SAMD13: variants seen among roughly 807,000 people sequenced by gnomAD.
The protein encoded by SAMD13 is sterile alpha motif domain containing 13.
In SAMD13, 9 loss-of-function variants were observed where a neutral mutation model predicts 12.4. The observed-to-expected ratio is 0.72, with a 90% confidence interval of 0.44 to 1.26. SAMD13 has a LOEUF of 1.26. Among genes scored for constraint, SAMD13 ranks in the 50% most tolerant of loss-of-function variants. SAMD13 has a pLI of 0.00. For missense variants in SAMD13, 84 were observed against 119.6 expected (o/e 0.70, Z 1.39); for synonymous variants, 46 against 45.4 (o/e 1.01, Z -0.05).
rs1259741846 is a variant in SAMD13, at chr1:84,349,971, C to T, written c.*197C>T. 16 of 1,213,734 alleles carry T rather than the reference C, an allele frequency of 1.3e-5. No homozygotes were observed. In the South Asian group the frequency reaches 2.8e-4, roughly 21 times the overall value. 75.2% of individuals were successfully genotyped at this position (1,213,734 alleles called of 1,614,324 possible). ...AGCCAGGAGGAGCAAGGACAAGATG[C>T]GCACAGGGTGGTTTTCCTCATGGAT... On this transcript the variant is annotated 3_prime_UTR_variant, in exon 4 of 4. Coordinates refer to ENST00000394834, the MANE Select transcript of SAMD13 (RefSeq NM_001134663.2).
intron 2 of SAMD13, among the ~76,000 whole-genome samples, chr1:84,322,097 T>C (rs1015518121): frequency 1.2e-4 from 19 of 152,252 alleles, no homozygotes; most frequent in African/African-American, 4.6e-4. Flanking sequence ...CTTACGTAAA[T>C]ACGTCCTCAA....
At chr1:84,319,557 CCCA>C (rs1225536218) in intron 2 of SAMD13, among the ~76,000 whole-genome samples, 2 of 151,302 alleles carry the variant, frequency 1.3e-5, no homozygotes, top group Non-Finnish European at 2.9e-5. Flanking sequence ...ATCGCTTGAA[CCCA>C]GGAGGCAGAG....
chr1:84,324,224 C>T (rs1401201099), intron 2 of SAMD13, among the ~76,000 whole-genome samples: 2 of 152,170 alleles, frequency 1.3e-5, no homozygotes, highest in Non-Finnish European at 2.9e-5. Flanking sequence ...AAATGTGAAT[C>T]TGATCAGGTC....
chr1:84,329,430 G>T (rs992117748), intron 3 of SAMD13, among the ~76,000 whole-genome samples: 1 of 152,160 alleles, frequency 6.6e-6, no homozygotes, highest in African/African-American at 2.4e-5. Flanking sequence ...TTTGTGGTGT[G>T]GTCTCATAGC....
intron 2 of SAMD13, among the ~76,000 whole-genome samples, chr1:84,311,403 T>C (rs960808277): frequency 1.3e-5 from 2 of 152,048 alleles, no homozygotes; most frequent in Non-Finnish European, 2.9e-5. Context: ...CAAGCATTCC[T>C]TCTGTTTCAG....
At chr1:84,338,364 C>G (rs1348807672) in intron 3 of SAMD13, among the ~76,000 whole-genome samples, 1 of 150,600 alleles carries the variant, frequency 6.6e-6, no homozygotes, top group Non-Finnish European at 1.5e-5. Flanking sequence ...CAAGGAGGAG[C>G]AAGTCACATC....
At chr1:84,343,711 GT>G (rs897195788) in intron 3 of SAMD13, among the ~76,000 whole-genome samples, 4 of 152,130 alleles carry the variant, frequency 2.6e-5, no homozygotes, top group African/African-American at 9.7e-5. Context: ...TCAGGGGTGG[GT>G]TGGGGAGAAG....
At chr1:84,347,824 A>G (rs1339582354) in intron 3 of SAMD13, among the ~76,000 whole-genome samples, 1 of 152,132 alleles carries the variant, frequency 6.6e-6, no homozygotes, top group Non-Finnish European at 1.5e-5. Context: ...CTAATCAGCA[A>G]TCTCTAGGAT....
intron 3 of SAMD13, among the ~76,000 whole-genome samples, chr1:84,347,780 G>A (rs1303557263): frequency 1.3e-5 from 2 of 152,158 alleles, no homozygotes; most frequent in African/African-American, 2.4e-5. Flanking sequence ...GGGGCCAGAG[G>A]CTCCTCTCCC....
chr1:84,302,573 CA>C, intron 1 of SAMD13: 2 of 623,438 alleles, frequency 3.2e-6, no homozygotes, highest in South Asian at 7.0e-5. Flanking sequence ...CACACACACA[CA>C]CACCAGCACC....
At chr1:84,336,578 G>T (rs756258428) in intron 3 of SAMD13, among the ~76,000 whole-genome samples, 1 of 152,110 alleles carries the variant, frequency 6.6e-6, no homozygotes, top group Non-Finnish European at 1.5e-5. Flanking sequence ...CTGCCCTCAT[G>T]ATTCAATTAC....
intron 3 of SAMD13, among the ~76,000 whole-genome samples, chr1:84,341,719 A>G (rs1430706724): frequency 6.6e-6 from 1 of 152,034 alleles, no homozygotes; most frequent in Non-Finnish European, 1.5e-5. Flanking sequence ...AGTTGACATA[A>G]AAAAAATGGG....
At chr1:84,308,105 A>G (rs1020467135) in intron 2 of SAMD13, among the ~76,000 whole-genome samples, 5 of 152,208 alleles carry the variant, frequency 3.3e-5, no homozygotes, top group Non-Finnish European at 7.3e-5. Flanking sequence ...CCCATCTCTC[A>G]AGGATTACTG....
Position 84,316,910 on chromosome 1 carries a change from AG to A in SAMD13, c.54-8726del, listed in dbSNP as rs776829323. ...CTTTCATCAATGTTTCATAGTTTTT[AG>A]TATGTATGTCTTTCACTTCCTTAGT... On this transcript the variant is annotated intron_variant, in intron 2 of 3. Transcript: ENST00000394834. Among the ~76,000 whole-genome samples the A allele has an allele frequency of 4.6e-5, 7 of 152,020 alleles. No homozygotes were observed. The East Asian group carries it at 9.6e-4, about 21-fold the overall frequency.
chr1:84,317,323 A>G (rs1240038829), intron 2 of SAMD13, among the ~76,000 whole-genome samples: 4 of 152,076 alleles, frequency 2.6e-5, no homozygotes, highest in Admixed American at 1.3e-4. Flanking sequence ...ACCTTTGAGT[A>G]TGATGTTAGC....
At chr1:84,344,032 C>G (rs1679480852) in intron 3 of SAMD13, among the ~76,000 whole-genome samples, 1 of 150,944 alleles carries the variant, frequency 6.6e-6, no homozygotes, top group Non-Finnish European at 1.5e-5. Context: ...TATGTATTTT[C>G]CTTCATCAGA....
At chr1:84,349,555 C>G (rs1679605532) in intron 3 of SAMD13, 76 bp from the exon 4 acceptor site, 1 of 1,541,652 alleles carries the variant, frequency 6.5e-7, no homozygotes, top group South Asian at 1.3e-5. Context: ...ACTTTTACCT[C>G]TGAACTTCCT....
intron 2 of SAMD13, among the ~76,000 whole-genome samples, chr1:84,313,041 T>A (rs901349779): frequency 2.6e-5 from 4 of 152,146 alleles, no homozygotes; most frequent in African/African-American, 9.7e-5. Context: ...CATGAGTATT[T>A]ATTTCATTAT....
chr1:84,349,560 C>T, intron 3 of SAMD13, 71 bp from the exon 4 acceptor site: 1 of 1,547,498 alleles, frequency 6.5e-7, no homozygotes, highest in Non-Finnish European at 8.7e-7. Flanking sequence ...TACCTCTGAA[C>T]TTCCTTTTGT....
Sources: allele counts gnomAD v4.1 joint callset (sites outside exome capture counted in the v4.1 genomes callset), GRCh38; gene constraint gnomAD v4.1.1; transcripts MANE v1.5; gene names NCBI Gene and HGNC (gene_info 2026-07-23, HGNC 2026-07-21).